Variants in KCNH7 observed in about 807,000 individuals in gnomAD.
The protein encoded by KCNH7 is potassium voltage-gated channel subfamily H member 7, also known as voltage-gated inwardly rectifying potassium channel KCNH7.
A neutral mutation model predicts 120.8 loss-of-function variants in KCNH7; 49 were observed. That is an observed-to-expected ratio of 0.41 (90% CI 0.32 to 0.51). The LOEUF (loss-of-function observed/expected upper bound fraction) is 0.51. Ranked by LOEUF, KCNH7 falls within the 20% of genes least tolerant of loss-of-function variation. KCNH7 has a pLI of 0.38. For missense variants in KCNH7, 1,097 were observed against 1,446.6 expected (o/e 0.76, Z 3.92); for synonymous variants, 547 against 516.1 (o/e 1.06, Z -0.81).
At chr2:162,661,358 A>G (rs574803477) in intron 2 of KCNH7, among the ~76,000 whole-genome samples, 105 of 152,356 alleles carry the variant, frequency 6.9e-4, no homozygotes, top group South Asian at 2.9e-3. Flanking sequence ...GATCATAGCA[A>G]GAAAGAAAGT....
intron 2 of KCNH7, among the ~76,000 whole-genome samples, chr2:162,633,789 C>T (rs1402820234): frequency 1.3e-5 from 2 of 151,944 alleles, no homozygotes; most frequent in African/African-American, 2.4e-5. Flanking sequence ...TTGTAATTTG[C>T]TTTAATACTT....
intron 2 of KCNH7, among the ~76,000 whole-genome samples, chr2:162,540,628 T>G (rs1300839611): frequency 2.6e-5 from 4 of 152,002 alleles, no homozygotes; most frequent in African/African-American, 9.7e-5. Flanking sequence ...TGTGTATGGT[T>G]GTTGTGGGAC....
chr2:162,668,309 T>C (rs1298534740), intron 2 of KCNH7, among the ~76,000 whole-genome samples: 1 of 151,922 alleles, frequency 6.6e-6, no homozygotes, highest in African/African-American at 2.4e-5. Flanking sequence ...ATCTAGAGTT[T>C]ACCAAACTTT....
chr2:162,792,762 GGTGTGTGTGTGT>G (rs59397474), intron 2 of KCNH7, among the ~76,000 whole-genome samples: 27,566 of 124,758 alleles, frequency 0.22, 3,346 homozygotes, highest in East Asian at 0.41. Context: ...TCTTTTGAAT[GGTGTGTGTGTGT>G]GTGTGTGTGT....
At chr2:162,777,939 T>A (rs1457633727) in intron 2 of KCNH7, among the ~76,000 whole-genome samples, 3 of 152,156 alleles carry the variant, frequency 2.0e-5, no homozygotes, top group Non-Finnish European at 4.4e-5. Context: ...GACTGGTTAT[T>A]ATCATTTGTT....
At chr2:162,615,911 T>C (rs1205943023) in intron 2 of KCNH7, among the ~76,000 whole-genome samples, 1 of 152,220 alleles carries the variant, frequency 6.6e-6, no homozygotes, top group Non-Finnish European at 1.5e-5. Flanking sequence ...TGCTTGTAAG[T>C]TACTTTTCAA....
intron 2 of KCNH7, among the ~76,000 whole-genome samples, chr2:162,754,482 A>C (rs1397997177): frequency 6.6e-6 from 1 of 152,194 alleles, no homozygotes; most frequent in Non-Finnish European, 1.5e-5. Context: ...TAATTAGTGC[A>C]GTTTTCAACA....
At chr2:162,458,259 T>C (rs1451693941) in intron 6 of KCNH7, among the ~76,000 whole-genome samples, 1 of 152,174 alleles carries the variant, frequency 6.6e-6, no homozygotes, top group African/African-American at 2.4e-5. Context: ...TCATAAAATA[T>C]GTATGAGTCT....
intron 2 of KCNH7, among the ~76,000 whole-genome samples, chr2:162,775,951 G>A (rs1348571177): frequency 6.6e-6 from 1 of 152,136 alleles, no homozygotes; most frequent in Non-Finnish European, 1.5e-5. Context: ...AGCAATCTAT[G>A]CCTGGTTTTC....
chr2:162,617,369 C>T (rs1683176727), intron 2 of KCNH7, among the ~76,000 whole-genome samples: 1 of 152,134 alleles, frequency 6.6e-6, no homozygotes, highest in Non-Finnish European at 1.5e-5. Context: ...GTCCCAGCTA[C>T]TCAGGAGGCT....
intron 6 of KCNH7, among the ~76,000 whole-genome samples, chr2:162,492,059 C>T (rs1276362886): frequency 6.6e-6 from 1 of 152,158 alleles, no homozygotes; most frequent in Non-Finnish European, 1.5e-5. Flanking sequence ...GCCTGACATG[C>T]CCCGAAAAGG....
intron 2 of KCNH7, among the ~76,000 whole-genome samples, chr2:162,590,678 T>G (rs1186312787): frequency 6.6e-6 from 1 of 152,122 alleles, no homozygotes; most frequent in African/African-American, 2.4e-5. Flanking sequence ...CAGGAAGTCT[T>G]CTAAATTAGA....
chr2:162,642,648 A>C (rs888788891), intron 2 of KCNH7, among the ~76,000 whole-genome samples: 5 of 152,196 alleles, frequency 3.3e-5, no homozygotes, highest in Non-Finnish European at 7.3e-5. Context: ...TTTATATCAC[A>C]CTGTGGTGGC....
rs1190116291 is a variant in KCNH7, at chr2:162,471,289, C to A, written c.1129-24846G>T. Reference sequence around the variant, plus strand: ...AGGTAGATTTCCTGCTCTTTGCCCTCTGAGACTAGGTGAAGCCCAGGAATC... The same window carrying A: ...AGGTAGATTTCCTGCTCTTTGCCCTATGAGACTAGGTGAAGCCCAGGAATC... On this transcript the variant is annotated intron_variant, in intron 6 of 15. Coordinates refer to ENST00000332142, the MANE Select transcript of KCNH7 (RefSeq NM_033272.4). Among the ~76,000 whole-genome samples the A allele has an allele frequency of 1.7e-4, 26 of 151,088 alleles. 1 individual carries two copies. The highest frequency in any genetic ancestry group is 1.7e-3 in the Admixed American group (26 of 15,200).
chr2:162,445,903 ATTT>A, intron 7 of KCNH7, 112 bp downstream of exon 7: 1 of 798,440 alleles, frequency 1.3e-6, no homozygotes, highest in Non-Finnish European at 1.9e-6. Context: ...TTGAAAATGA[ATTT>A]TATCAGTGAG....
At chr2:162,748,836 C>G (rs1688413343) in intron 2 of KCNH7, among the ~76,000 whole-genome samples, 2 of 104,284 alleles carry the variant, frequency 1.9e-5, no homozygotes, top group Non-Finnish European at 3.7e-5. Flanking sequence ...CCCTCCCCTC[C>G]TCTCCCCTCC....
At chr2:162,665,021 T>G (rs1409412446) in intron 2 of KCNH7, among the ~76,000 whole-genome samples, 1 of 152,144 alleles carries the variant, frequency 6.6e-6, no homozygotes, top group Non-Finnish European at 1.5e-5. Context: ...TCTTAACTAG[T>G]CATACTCAAC....
At chr2:162,545,769 C>T (rs1269399069) in intron 2 of KCNH7, among the ~76,000 whole-genome samples, 1 of 152,116 alleles carries the variant, frequency 6.6e-6, no homozygotes, top group Non-Finnish European at 1.5e-5. Flanking sequence ...ATTCAATACT[C>T]TATTAATATT....
intron 2 of KCNH7, among the ~76,000 whole-genome samples, chr2:162,663,309 G>A (rs1047075372): frequency 2.0e-5 from 3 of 152,100 alleles, no homozygotes; most frequent in East Asian, 1.9e-4. Context: ...TCTTGTGTTT[G>A]AGAAAAAAAT....
Sources: allele counts gnomAD v4.1 joint callset (sites outside exome capture counted in the v4.1 genomes callset), GRCh38; gene constraint gnomAD v4.1.1; transcripts MANE v1.5; gene names NCBI Gene and HGNC (gene_info 2026-07-23, HGNC 2026-07-21).